Variants in TMTC1 observed in about 807,000 individuals in gnomAD.
TMTC1 encodes transmembrane O-mannosyltransferase targeting cadherins 1, also known as protein O-mannosyl-transferase TMTC1.
TMTC1 carries 73 observed loss-of-function variants against 104.8 expected under a neutral mutation model. That is an observed-to-expected ratio of 0.70 (90% confidence interval 0.58 to 0.85). The LOEUF (loss-of-function observed/expected upper bound fraction) is 0.85. TMTC1 is among the 40% of genes least tolerant of loss of function. The probability of loss-of-function intolerance (pLI) is 0.00; values close to 1 mark genes in which losing one functional copy is unlikely to be tolerated. For synonymous variants in TMTC1, 434 were observed against 428.7 expected, an observed-to-expected ratio of 1.01 and a Z score of -0.15; for missense variants, 1,035 against 1,096.1, an observed-to-expected ratio of 0.94 and a Z score of 0.79.
At chr12:29,769,165 C>T (rs573169394) in intron 1 of TMTC1, among the ~76,000 whole-genome samples, 5 of 152,292 alleles carry the variant, frequency 3.3e-5, no homozygotes, top group South Asian at 4.1e-4. Flanking sequence ...AAATAATTGA[C>T]GTAATTCATG....
chr12:29,651,924 T>C (rs939170779), intron 5 of TMTC1, among the ~76,000 whole-genome samples: 1 of 151,706 alleles, frequency 6.6e-6, no homozygotes, highest in Non-Finnish European at 1.5e-5. Context: ...AAATTAGCCA[T>C]TGAGAATTCC....
chr12:29,686,110 T>C (rs1274765088), intron 5 of TMTC1, among the ~76,000 whole-genome samples: 1 of 152,160 alleles, frequency 6.6e-6, no homozygotes, highest in African/African-American at 2.4e-5. Flanking sequence ...AGTATCCTAA[T>C]ACACATTCGG....
rs748589142 is a variant in TMTC1, at chr12:29,755,827, A to G, written c.613T>C (p.Leu205=). 6.2e-7 allele frequency: 1 copy of G among 1,614,222 alleles called. No homozygotes were observed. The highest frequency in any genetic ancestry group is 1.1e-5 in the South Asian group (1 of 91,086). ...SFPSTVSPFF[L]LLSLFLGTCA... ...GTCCCCAGAAACAAACTGAGCAGCA[A>G]GAAGAAGGGAGACACCGTGGAAGGG... Residue 205 remains leucine, a synonymous_variant, in exon 4 of 18, where the codon TTG becomes CTG. Coordinates refer to ENST00000539277, the MANE Select transcript of TMTC1 (RefSeq NM_001193451.2).
chr12:29,710,054 C>T (rs1386095576), intron 5 of TMTC1, among the ~76,000 whole-genome samples: 1 of 148,204 alleles, frequency 6.7e-6, no homozygotes, highest in Non-Finnish European at 1.5e-5. Flanking sequence ...TACTGCTATA[C>T]CCTGTTAGAC....
At chr12:29,720,594 CTTAA>C (rs1394363854) in intron 5 of TMTC1, among the ~76,000 whole-genome samples, 2 of 151,590 alleles carry the variant, frequency 1.3e-5, no homozygotes, top group Non-Finnish European at 2.9e-5. Flanking sequence ...TGAAATTAGA[CTTAA>C]TTAAATTATG....
chr12:29,558,900 T>G (rs1029558593), intron 9 of TMTC1, among the ~76,000 whole-genome samples: 1 of 152,178 alleles, frequency 6.6e-6, no homozygotes, highest in African/African-American at 2.4e-5. Context: ...CCCAGGAAAG[T>G]GTCCCGCAAA....
intron 5 of TMTC1, among the ~76,000 whole-genome samples, chr12:29,649,810 T>G (rs193174245): frequency 6.6e-6 from 1 of 152,318 alleles, no homozygotes; most frequent in Admixed American, 6.5e-5. Flanking sequence ...GAGTGGAATA[T>G]CAGGTGTGTT....
At chr12:29,525,294 T>G in intron 11 of TMTC1, among the ~76,000 whole-genome samples, 1 of 147,952 alleles carries the variant, frequency 6.8e-6, no homozygotes, top group Admixed American at 6.9e-5. Context: ...GCGATTCTCC[T>G]GCCTCAGCCT....
intron 6 of TMTC1, among the ~76,000 whole-genome samples, chr12:29,610,586 A>G (rs1486740430): frequency 1.3e-5 from 2 of 152,172 alleles, no homozygotes; most frequent in African/African-American, 4.8e-5. Flanking sequence ...TATGGGTAAA[A>G]AGAGTAAGAA....
intron 5 of TMTC1, among the ~76,000 whole-genome samples, chr12:29,670,853 C>A (rs1940477113): frequency 6.8e-6 from 1 of 146,394 alleles, no homozygotes; most frequent in South Asian, 2.2e-4. Flanking sequence ...ATTGCTTGAG[C>A]CCAGAAGGTG....
Position 29,629,327 on chromosome 12 carries a change from G to GA in TMTC1, c.1128+3819dup, listed in dbSNP as rs906623400. Among the ~76,000 whole-genome samples, 68 of 140,518 alleles carry GA rather than the reference G, an allele frequency of 4.8e-4. 1 individual carries two copies. The highest frequency in any genetic ancestry group is 3.0e-3 in the South Asian group (13 of 4,364). The allele number at this position is 140,518 out of a possible 152,430, so 92.2% of individuals were successfully genotyped here. ...AGAGAGAGACTCCGTCTCAAAAAAA[G>GA]AAAAAAAAAAAGCTACCTATGACCT... On this transcript the variant is annotated intron_variant, in intron 6 of 17. Transcript: ENST00000539277.
At chr12:29,618,023 G>T (rs892347075) in intron 6 of TMTC1, among the ~76,000 whole-genome samples, 1 of 152,172 alleles carries the variant, frequency 6.6e-6, no homozygotes, top group Non-Finnish European at 1.5e-5. Context: ...CGGTTAGAAG[G>T]CTATGGCAAT....
At chr12:29,703,591 C>T (rs60702537) in intron 5 of TMTC1, among the ~76,000 whole-genome samples, 27,778 of 152,136 alleles carry the variant, frequency 0.18, 2,892 homozygotes, top group Non-Finnish European at 0.25. Context: ...AATGCCAAGA[C>T]GCATTTTTGC....
At chr12:29,663,556 G>A (rs969263807) in intron 5 of TMTC1, among the ~76,000 whole-genome samples, 4 of 151,606 alleles carry the variant, frequency 2.6e-5, no homozygotes, top group Admixed American at 6.6e-5. Context: ...TACTCTTGTC[G>A]CCCAGGCTAG....
chr12:29,622,336 TGTAATGCAGGGAAACCACATTA>T (rs1937717037), intron 6 of TMTC1, among the ~76,000 whole-genome samples: 1 of 152,236 alleles, frequency 6.6e-6, no homozygotes, highest in Middle Eastern at 3.2e-3. Flanking sequence ...GTGTTTCCTC[TGTAATGCAGGGAAACCACATTA>T]GAGAACACAG....
At chr12:29,722,448 A>C (rs1163684888) in intron 5 of TMTC1, among the ~76,000 whole-genome samples, 3 of 152,214 alleles carry the variant, frequency 2.0e-5, no homozygotes, top group Non-Finnish European at 2.9e-5. Context: ...CTTAAAGACC[A>C]GGTAATGACA....
At chr12:29,524,728 A>G (rs140914408) in intron 11 of TMTC1, among the ~76,000 whole-genome samples, 172 of 152,300 alleles carry the variant, frequency 1.1e-3, no homozygotes, top group African/African-American at 4.1e-3. Flanking sequence ...TCTGGTTCTG[A>G]CTGATTATGG....
At chr12:29,578,663 C>T (rs1945890808) in intron 8 of TMTC1, among the ~76,000 whole-genome samples, 1 of 152,052 alleles carries the variant, frequency 6.6e-6, no homozygotes, top group East Asian at 1.9e-4. Flanking sequence ...TGATAAATAA[C>T]AAAAAAGCTA....
intron 5 of TMTC1, among the ~76,000 whole-genome samples, chr12:29,638,826 C>T (rs192090794): frequency 6.6e-6 from 1 of 152,344 alleles, no homozygotes; most frequent in East Asian, 1.9e-4. Context: ...CGTTTCACCA[C>T]TAGGTTTTGG....
Sources: gnomAD v4.1 joint callset for allele counts (sites outside exome capture counted in the v4.1 genomes callset) on GRCh38, gnomAD v4.1.1 for gene constraint, MANE v1.5 for transcripts, NCBI Gene and HGNC (gene_info 2026-07-23, HGNC 2026-07-21) for gene names.